Variants in RBM18 observed in about 807,000 individuals in gnomAD.
The protein encoded by RBM18 is RNA binding motif protein 18.
In RBM18, 18 loss-of-function variants were observed where a neutral mutation model predicts 26.4. The observed-to-expected ratio is 0.68, with a 90% CI of 0.47 to 1.01. RBM18 has a LOEUF of 1.01. Among genes scored for constraint, RBM18 ranks in the 50% least tolerant of loss-of-function variants. The probability of loss-of-function intolerance (pLI) is 0.00; values close to 1 mark genes in which losing one functional copy is unlikely to be tolerated. For synonymous variants in RBM18, 74 were observed against 81.1 expected (o/e 0.91, Z 0.47); for missense variants, 180 against 219.2 (o/e 0.82, Z 1.13).
intron 5 of RBM18, among the ~76,000 whole-genome samples, chr9:122,244,478 CA>C (rs1339674301): frequency 6.6e-6 from 1 of 152,194 alleles, no homozygotes; most frequent in East Asian, 1.9e-4. Flanking sequence ...GTAGTAACTA[CA>C]AGACTGAATT....
In RBM18 at chr9:122,261,553, G is replaced by T. The variant is rs112575254; in HGVS notation, c.-16-45C>A. On this transcript the variant is annotated intron_variant, in intron 1 of 5. Transcript: ENST00000417201. ...TCAGGCAGGAGGGGAGTAACAATGT[G>T]TGAACACAAGACTTCAAATTCAACT... The T allele has an allele frequency of 4.1e-6, 5 of 1,205,250 alleles. No homozygotes were observed. The East Asian group carries it at 1.2e-4, about 28-fold the overall frequency. 74.7% of individuals were successfully genotyped at this position (1,205,250 alleles called of 1,614,324 possible).
intron 5 of RBM18, among the ~76,000 whole-genome samples, chr9:122,244,980 T>C (rs1437676333): frequency 6.6e-6 from 1 of 152,196 alleles, no homozygotes; most frequent in Non-Finnish European, 1.5e-5. Flanking sequence ...ATGACTGACC[T>C]GTCTTTGTAA....
chr9:122,238,238 G>A lies in RBM18; in HGVS notation c.*3646C>T, dbSNP rs1831359630. ...CAACAAATATTTATTGAGTATGTAT[G>A]ATGTACAGCCATTGTTTTAAATGCT... On this transcript the variant is annotated 3_prime_UTR_variant, in exon 6 of 6. Coordinates refer to ENST00000417201, the MANE Select transcript of RBM18 (RefSeq NM_033117.4). 2.6e-5 allele frequency: 4 copies of A among 152,204 alleles called. No homozygotes were observed. The highest frequency in any genetic ancestry group is 7.2e-5 in the African/African-American group (3 of 41,436). The allele number at this position is 152,204 out of a possible 1,614,324, so 9.4% of individuals were successfully genotyped here. A position where few individuals can be genotyped will look rare whatever the true frequency, so the allele number is the denominator to read the frequency against.
At position 122,264,682 on chromosome 9, in the gene RBM18, T is replaced by A. The variant is rs1245256666; in HGVS notation, c.-17+33A>T. On this transcript the variant is annotated intron_variant, in intron 1 of 5. Transcript: ENST00000417201. ...TAAGACCTCTTAGCGGGCCCATCGCTGAGGTGCAGGGACATGTCGCGGCCG... is the reference window on the plus strand; with the variant it reads ...TAAGACCTCTTAGCGGGCCCATCGCAGAGGTGCAGGGACATGTCGCGGCCG... The A allele has an allele frequency of 2.0e-5, 3 of 152,316 alleles. No individual in the cohort carries two copies. In the East Asian group the frequency reaches 5.8e-4, roughly 30 times the overall value. The allele number at this position is 152,316 out of a possible 1,614,324, so 9.4% of individuals were successfully genotyped here. A position where few individuals can be genotyped will look rare whatever the true frequency, so the allele number is the denominator to read the frequency against.
intron 5 of RBM18, chr9:122,243,854 G>A: frequency 1.0e-6 from 1 of 985,126 alleles, no homozygotes; most frequent in Non-Finnish European, 1.2e-6. Flanking sequence ...ATAGAGAGAT[G>A]TAAGCTGAGG....
At chr9:122,243,719 A>G in intron 5 of RBM18, 1 of 985,280 alleles carries the variant, frequency 1.0e-6, no homozygotes, top group Non-Finnish European at 1.2e-6. Flanking sequence ...ACTAAGTTAC[A>G]AGAAAAAGAA....
chr9:122,243,533 A>G (rs1388419309), intron 5 of RBM18, among the ~76,000 whole-genome samples: 1 of 152,188 alleles, frequency 6.6e-6, no homozygotes, highest in Admixed American at 6.5e-5. Flanking sequence ...GATCATTGCT[A>G]TCCCTGGATC....
In RBM18 at chr9:122,241,852, T is replaced by C. The variant is rs1481037640; in HGVS notation, c.*32A>G. The C allele has an allele frequency of 2.5e-6, 4 of 1,606,290 alleles. No homozygotes were observed. The highest frequency in any genetic ancestry group is 3.4e-6 in the Non-Finnish European group (4 of 1,175,616). On this transcript the variant is annotated 3_prime_UTR_variant, in exon 6 of 6. Transcript: ENST00000417201. ...AGACGATTTTAGGTGTGGAGACCAA[T>C]TTGCTTTTGCTGCTACAGTAATTCA...
rs1060586 is a variant in RBM18, at chr9:122,241,400, G to A, written c.*484C>T. 0.47 allele frequency: 72,113 copies of A among 152,570 alleles called. 17,902 individuals carry two copies. The highest frequency in any genetic ancestry group is 0.83 in the East Asian group (4,317 of 5,192). 9.5% of individuals were successfully genotyped at this position (152,570 alleles called of 1,614,324 possible). ...TTTCAGTCCAGTTGGAGGGATTGCC[G>A]TAGTAAATTCTGGAACAACAGTTCT... is the stretch of plus-strand genomic sequence containing the variant. On this transcript the variant is annotated 3_prime_UTR_variant, in exon 6 of 6. Coordinates refer to ENST00000417201, the MANE Select transcript of RBM18 (RefSeq NM_033117.4).
intron 2 of RBM18, among the ~76,000 whole-genome samples, chr9:122,255,739 T>C (rs942094086): frequency 6.6e-6 from 1 of 152,156 alleles, no homozygotes; most frequent in Non-Finnish European, 1.5e-5. Flanking sequence ...TCTTAGCTAA[T>C]CTTCATCTTC....
At chr9:122,245,621 G>C (rs1247539847) in intron 4 of RBM18, among the ~76,000 whole-genome samples, 1 of 152,076 alleles carries the variant, frequency 6.6e-6, no homozygotes, top group Non-Finnish European at 1.5e-5. Context: ...ACACACAGGA[G>C]GGTGGCCTTC....
chr9:122,264,580 GGA>G (rs1564462067), intron 1 of RBM18, 133 bp downstream of exon 1: 7 of 152,314 alleles, frequency 4.6e-5, no homozygotes, highest in African/African-American at 1.7e-4. Flanking sequence ...GTCATTACTC[GGA>G]TTGTTATTTC....
chr9:122,251,144 A>G (rs944468933), intron 3 of RBM18, among the ~76,000 whole-genome samples: 1 of 151,968 alleles, frequency 6.6e-6, no homozygotes, highest in African/African-American at 2.4e-5. Context: ...GTCTCAAACA[A>G]TCTCCCCATC....
rs947538697 is a variant in RBM18 at position 122,241,742 on chromosome 9, C to T, written c.*142G>A. Reference sequence around the variant, plus strand: ...TTTAGGGAAGAAACATCCATAAGAACATCCAAAAACATTATGTTACCAAAT... The same window carrying T: ...TTTAGGGAAGAAACATCCATAAGAATATCCAAAAACATTATGTTACCAAAT... On this transcript the variant is annotated 3_prime_UTR_variant, in exon 6 of 6. Coordinates refer to ENST00000417201, the MANE Select transcript of RBM18 (RefSeq NM_033117.4). The T allele has an allele frequency of 5.4e-5, 36 of 670,974 alleles. No individual in the cohort carries two copies. Among genetic ancestry groups the T allele is most frequent in the Non-Finnish European group, 8.0e-5 (32 of 399,438 alleles). The allele number at this position is 670,974 out of a possible 1,614,324, so 41.6% of individuals were successfully genotyped here. A position where few individuals can be genotyped will look rare whatever the true frequency, so the allele number is the denominator to read the frequency against.
At chr9:122,260,247 G>C (rs1831767310) in intron 2 of RBM18, among the ~76,000 whole-genome samples, 1 of 152,136 alleles carries the variant, frequency 6.6e-6, no homozygotes, top group African/African-American at 2.4e-5. Flanking sequence ...TCGGGAGGCT[G>C]AGGCATGAGA....
intron 2 of RBM18, among the ~76,000 whole-genome samples, chr9:122,256,099 G>A (rs1408723305): frequency 6.6e-6 from 1 of 152,124 alleles, no homozygotes; most frequent in Non-Finnish European, 1.5e-5. Context: ...CATGATGTCA[G>A]CCTCCTGCTA....
chr9:122,253,093 A>G (rs905586317), intron 2 of RBM18, among the ~76,000 whole-genome samples: 1 of 152,224 alleles, frequency 6.6e-6, no homozygotes, highest in Non-Finnish European at 1.5e-5. Flanking sequence ...ATCAGCCCAC[A>G]TGCTAAATCT....
intron 2 of RBM18, among the ~76,000 whole-genome samples, chr9:122,257,426 G>A (rs375017970): frequency 5.3e-5 from 8 of 152,162 alleles, no homozygotes; most frequent in Non-Finnish European, 7.3e-5. Context: ...GATTACAGGC[G>A]TTGAACCCCA....
chr9:122,239,159 A>G lies in RBM18; in HGVS notation c.*2725T>C, dbSNP rs1166801462. The G allele has an allele frequency of 6.6e-6, 1 of 152,226 alleles. No homozygotes were observed. The highest frequency in any genetic ancestry group is 1.5e-5 in the Non-Finnish European group (1 of 68,038). 9.4% of individuals were successfully genotyped at this position (152,226 alleles called of 1,614,324 possible). A position where few individuals can be genotyped will look rare whatever the true frequency, so the allele number is the denominator to read the frequency against. On this transcript the variant is annotated 3_prime_UTR_variant, in exon 6 of 6. Coordinates refer to ENST00000417201, the MANE Select transcript of RBM18 (RefSeq NM_033117.4). The stretch of plus-strand genomic sequence containing the variant: ...CTGTGCATATCTTAATAAACAAGAG[A>G]CAGAGCTGCAGAATACCTGGTTTCA...
Sources: allele counts gnomAD v4.1 joint callset (sites outside exome capture counted in the v4.1 genomes callset), GRCh38; gene constraint gnomAD v4.1.1; transcripts MANE v1.5; gene names NCBI Gene and HGNC (gene_info 2026-07-23, HGNC 2026-07-21).